The following ATAD2B variants were observed in gnomAD, a reference collection of about 807,000 sequenced individuals.
ATAD2B encodes ATPase family AAA domain containing 2B.
In ATAD2B, 40 loss-of-function variants were observed where a neutral mutation model predicts 167.6. That is an observed-to-expected ratio of 0.24 (90% CI 0.19 to 0.31). The LOEUF is 0.31. ATAD2B is among the 10% of genes least tolerant of loss of function. The pLI is 1.00. For synonymous variants in ATAD2B, 579 were observed against 596.5 expected, an observed-to-expected ratio of 0.97 and a Z score of 0.43; for missense variants, 1,242 against 1,757.2, an observed-to-expected ratio of 0.71 and a Z score of 5.24.
chr2:23,686,738 G>A, the ATAD2B span, among the ~76,000 whole-genome samples: 1,560 of 152,250 alleles, frequency 0.01, 39 homozygotes, highest in African/African-American at 0.036. Context: ...GCCACCTGTA[G>A]GCAGCCAGGT....
chr2:23,687,496 T>TCACTCAGCAAA, the ATAD2B span, among the ~76,000 whole-genome samples: 1 of 152,216 alleles, frequency 6.6e-6, no homozygotes, highest in Non-Finnish European at 1.5e-5. Context: ...CACTGGCTCG[T>TCACTCAGCAAA]CACTCAGCAA....
At chr2:23,695,798 G>A in the ATAD2B span, 3 of 1,550,198 alleles carry the variant, frequency 1.9e-6, no homozygotes, top group Non-Finnish European at 2.6e-6. This position sits in a 1 kb window ranked among gnomAD's most constrained non-coding sequence, Gnocchi z 7.6. Context: ...CAGACGCCCC[G>A]AACCCGGCCG....
chr2:23,909,569 T>C (rs1701975341), intron 1 of ATAD2B, among the ~76,000 whole-genome samples: 1 of 152,082 alleles, frequency 6.6e-6, no homozygotes, highest in African/African-American at 2.4e-5. Flanking sequence ...TGTGCATATG[T>C]GTGTGACACA....
chr2:23,735,689 C>T, the ATAD2B span, among the ~76,000 whole-genome samples: 1 of 152,156 alleles, frequency 6.6e-6, no homozygotes, highest in Non-Finnish European at 1.5e-5. Context: ...GAAGGAGAAA[C>T]TTCAGTACGA....
At position 23,758,018 on chromosome 2, in the gene ATAD2B, CT is replaced by C. The variant is rs1558490574; in HGVS notation, c.3477del (p.Asp1160MetfsTer20). 1 of 1,610,082 alleles carries C rather than the reference CT, an allele frequency of 6.2e-7. No individual in the cohort carries two copies. On this transcript the variant is annotated frameshift_variant, in exon 25 of 28. Transcript: ENST00000238789. LOFTEE classifies it high-confidence loss of function. Reference sequence around the variant, plus strand: ...TCTGCAAATTTGGTGTCTTCTTCATCTTTTTTTAAATTATTAACTTTCCTTT... The same window carrying C: ...TCTGCAAATTTGGTGTCTTCTTCATCTTTTTTAAATTATTAACTTTCCTTT... ...IKKRKVNNLK[K>X]DEEDTKFADY...
intron 8 of ATAD2B, among the ~76,000 whole-genome samples, chr2:23,871,010 C>T (rs1695886597): frequency 1.3e-5 from 2 of 151,786 alleles, no homozygotes; most frequent in South Asian, 2.1e-4. Flanking sequence ...TGTGTGCTCA[C>T]GAAGTGTTCA....
intron 13 of ATAD2B, among the ~76,000 whole-genome samples, chr2:23,849,206 A>G (rs1002011921): frequency 1.3e-5 from 2 of 152,206 alleles, no homozygotes; most frequent in African/African-American, 4.8e-5. Context: ...ATAAGACCCA[A>G]CTTTATATAG....
chr2:23,784,326 T>C (rs1440461031), intron 21 of ATAD2B, among the ~76,000 whole-genome samples: 2 of 152,136 alleles, frequency 1.3e-5, no homozygotes, highest in African/African-American at 2.4e-5. Context: ...TTTAAATTCA[T>C]TAGTTAAATA....
At chr2:23,841,872 T>C (rs1160141843) in intron 13 of ATAD2B, among the ~76,000 whole-genome samples, 1 of 152,214 alleles carries the variant, frequency 6.6e-6, no homozygotes, top group Non-Finnish European at 1.5e-5. Context: ...TATATCACAT[T>C]TCATTTACCT....
chr2:23,774,264 A>G (rs181430260), intron 22 of ATAD2B, among the ~76,000 whole-genome samples: 2 of 152,236 alleles, frequency 1.3e-5, no homozygotes, highest in Admixed American at 1.3e-4. Context: ...AGCATAGTCA[A>G]CCTAGCAAGA....
At chr2:23,804,726 CTAAG>C (rs1355961561) in intron 18 of ATAD2B, among the ~76,000 whole-genome samples, 1 of 151,376 alleles carries the variant, frequency 6.6e-6, no homozygotes, top group Non-Finnish European at 1.5e-5. Context: ...ACAATGCTTC[CTAAG>C]TGTTTCCTTA....
At chr2:23,832,323 G>C in intron 14 of ATAD2B, 1 of 401,844 alleles carries the variant, frequency 2.5e-6, no homozygotes, top group South Asian at 1.8e-5. Context: ...ACAGACCCAG[G>C]CTTGAGAAGA....
At chr2:23,687,064 T>A in the ATAD2B span, among the ~76,000 whole-genome samples, 4 of 152,186 alleles carry the variant, frequency 2.6e-5, no homozygotes, top group Non-Finnish European at 1.5e-5. Flanking sequence ...TTGGCATCCG[T>A]GACCCTGGAG....
At chr2:23,821,546 T>C (rs896131551) in intron 16 of ATAD2B, among the ~76,000 whole-genome samples, 4 of 152,220 alleles carry the variant, frequency 2.6e-5, no homozygotes, top group African/African-American at 9.6e-5. Context: ...TTAAAGTTTC[T>C]GAAAAATATA....
At chr2:23,793,008 C>A (rs1682050590) in intron 19 of ATAD2B, among the ~76,000 whole-genome samples, 1 of 144,894 alleles carries the variant, frequency 6.9e-6, no homozygotes, top group Non-Finnish European at 1.5e-5. Context: ...AGATTTCCTT[C>A]CTCTTAAATT....
intron 13 of ATAD2B, among the ~76,000 whole-genome samples, chr2:23,848,616 T>C (rs1253600892): frequency 1.3e-5 from 2 of 152,162 alleles, no homozygotes; most frequent in African/African-American, 4.8e-5. Flanking sequence ...TAAAGACATA[T>C]ACCATAAACC....
intron 1 of ATAD2B, among the ~76,000 whole-genome samples, chr2:23,908,163 T>C (rs938388010): frequency 2.0e-5 from 3 of 151,906 alleles, no homozygotes; most frequent in African/African-American, 7.3e-5. Flanking sequence ...ACTAAAGAGC[T>C]TCTGCACAGC....
At chr2:23,855,605 GA>G (rs1469833415) in intron 13 of ATAD2B, among the ~76,000 whole-genome samples, 3 of 152,212 alleles carry the variant, frequency 2.0e-5, no homozygotes, top group Non-Finnish European at 1.5e-5. Context: ...TTACCCAACA[GA>G]AAAGAAAACA....
the ATAD2B span, among the ~76,000 whole-genome samples, chr2:23,710,925 G>A: frequency 1.0e-3 from 154 of 152,292 alleles, 3 homozygotes; most frequent in East Asian, 0.029. Context: ...AGGGATGACC[G>A]TCATAATAAC....
Sources: gnomAD v4.1 joint callset for allele counts (sites outside exome capture counted in the v4.1 genomes callset) on GRCh38, gnomAD v4.1.1 for gene constraint, Gnocchi (gnomAD v3.1) non-coding constraint, MANE v1.5 for transcripts, NCBI Gene and HGNC (gene_info 2026-07-23, HGNC 2026-07-21) for gene names.